Variants in DCC observed in about 807,000 individuals in gnomAD.
The protein encoded by DCC is netrin receptor DCC.
In DCC, 58 loss-of-function variants were observed where a neutral mutation model predicts 172.5. That is an observed-to-expected ratio of 0.34 (90% CI 0.27 to 0.42). The LOEUF (loss-of-function observed/expected upper bound fraction) is 0.42, where lower values mean the gene tolerates loss of function less well. Among genes scored for constraint, DCC ranks in the 10% least tolerant of loss-of-function variants. DCC has a pLI of 1.00. For missense variants in DCC, 1,740 were observed against 1,791.0 expected (o/e 0.97, Z 0.51); for synonymous variants, 709 against 644.5 (o/e 1.10, Z -1.52).
chr18:52,345,311 G>GAGGAAT (rs1983831388), intron 1 of DCC, among the ~76,000 whole-genome samples: 2 of 152,168 alleles, frequency 1.3e-5, no homozygotes, highest in African/African-American at 4.8e-5. Context: ...ACTCCCTAAA[G>GAGGAAT]AGTTCTAAAG....
chr18:52,612,678 A>G (rs1334543951), intron 1 of DCC, among the ~76,000 whole-genome samples: 2 of 152,082 alleles, frequency 1.3e-5, no homozygotes, highest in Non-Finnish European at 2.9e-5. Flanking sequence ...CTGTTTCTAG[A>G]GCCTTGATGG....
chr18:52,876,475 A>G (rs569276610), intron 2 of DCC, among the ~76,000 whole-genome samples: 2 of 152,350 alleles, frequency 1.3e-5, no homozygotes, highest in African/African-American at 4.8e-5. Flanking sequence ...CTATTGTATT[A>G]TTAAGAAAGC....
rs374129823 is a variant in DCC at position 52,783,323 on chromosome 18, C to CTTTTTTTTTTTTTTTTT, written c.412+30971_412+30987dup. 1.3e-3 allele frequency among the ~76,000 whole-genome samples: 79 copies of CTTTTTTTTTTTTTTTTT among 59,252 alleles called. 15 individuals are homozygous for CTTTTTTTTTTTTTTTTT. The highest frequency in any genetic ancestry group is 1.9e-3 in the Admixed American group (8 of 4,182). 38.9% of individuals were successfully genotyped at this position (59,252 alleles called of 152,430 possible). A position where few individuals can be genotyped will look rare whatever the true frequency, so the allele number is the denominator to read the frequency against. ...ACTAAAAATAATTTATACTACTACTCTTTTTTTTTTTTTTTTTTTTTTTTT... is the reference window on the plus strand; with the variant it reads ...ACTAAAAATAATTTATACTACTACTCTTTTTTTTTTTTTTTTTTTTTTTTTTTTTTTTTTTTTTTTTT... On this transcript the variant is annotated intron_variant, in intron 2 of 28. Coordinates refer to ENST00000442544, the MANE Select transcript of DCC (RefSeq NM_005215.4).
At chr18:52,448,321 G>C (rs534850013) in intron 1 of DCC, among the ~76,000 whole-genome samples, 7 of 152,236 alleles carry the variant, frequency 4.6e-5, no homozygotes, top group Admixed American at 4.6e-4. Context: ...CCACGAATTC[G>C]GTCCCTCATG....
chr18:53,405,044 T>A (rs1424682566), intron 19 of DCC, among the ~76,000 whole-genome samples: 1 of 152,204 alleles, frequency 6.6e-6, no homozygotes, highest in Non-Finnish European at 1.5e-5. Flanking sequence ...AGAGAATTTC[T>A]GTGTCATGTG....
At chr18:52,974,174 G>A (rs948570152) in intron 5 of DCC, among the ~76,000 whole-genome samples, 5 of 152,062 alleles carry the variant, frequency 3.3e-5, no homozygotes, top group African/African-American at 1.2e-4. Context: ...TTCAATTAAG[G>A]ACAGGCCAGA....
At position 53,391,680 on chromosome 18, in the gene DCC, T is replaced by C; in HGVS notation, c.2481T>C (p.Tyr827=). The change falls in exon 17 of 29, where the codon TAT becomes TAC. Residue 827 remains tyrosine, a synonymous_variant. Transcript: ENST00000442544. ...ITDPTDPVDY[Y]PLLDDFPTSV... Reference sequence around the variant, plus strand: ...ATCCCACTGACCCAGTTGATTATTATCCTTTGCTTGATGATTTCCCCACCT... The same window carrying C: ...ATCCCACTGACCCAGTTGATTATTACCCTTTGCTTGATGATTTCCCCACCT... 3 of 1,614,070 alleles carry C rather than the reference T, an allele frequency of 1.9e-6. No individual in the cohort carries two copies. Among genetic ancestry groups the C allele is most frequent in the Non-Finnish European group, 2.5e-6 (3 of 1,179,940 alleles).
intron 12 of DCC, among the ~76,000 whole-genome samples, chr18:53,287,501 CT>C (rs992847533): frequency 6.6e-6 from 1 of 152,108 alleles, no homozygotes; most frequent in African/African-American, 2.4e-5. Context: ...TAGGTATATA[CT>C]TTGGGAAGGA....
intron 6 of DCC, 27 bp from the exon 7 acceptor site, chr18:53,066,019 A>G: frequency 6.2e-7 from 1 of 1,611,792 alleles, no homozygotes; most frequent in Non-Finnish European, 8.5e-7. Flanking sequence ...TTTCTAAAAT[A>G]CTTTACCTGC....
At chr18:52,633,954 G>A (rs920423786) in intron 1 of DCC, among the ~76,000 whole-genome samples, 4 of 152,238 alleles carry the variant, frequency 2.6e-5, no homozygotes, top group Non-Finnish European at 5.9e-5. Context: ...ACTGAGCTAT[G>A]GAGGGACACA....
intron 2 of DCC, among the ~76,000 whole-genome samples, chr18:52,812,973 G>C (rs1036203728): frequency 1.3e-5 from 2 of 152,188 alleles, no homozygotes; most frequent in Non-Finnish European, 2.9e-5. Context: ...AGAGTGGGGA[G>C]GGTATTCAGT....
intron 2 of DCC, among the ~76,000 whole-genome samples, chr18:52,855,170 G>A (rs2145348697): frequency 6.6e-6 from 1 of 152,278 alleles, no homozygotes; most frequent in East Asian, 1.9e-4. Flanking sequence ...AGGTTCTAGT[G>A]CTTTCCAGCC....
chr18:53,451,710 G>GCTCTCTCTCTCTCTCTCTCTCT (rs371232356), intron 23 of DCC, among the ~76,000 whole-genome samples: 2 of 147,342 alleles, frequency 1.4e-5, no homozygotes, highest in African/African-American at 5.0e-5. Flanking sequence ...GCTCGCTCTT[G>GCTCTCTCTCTCTCTCTCTCTCT]CTCTCTCTCT....
At chr18:52,972,165 C>T (rs1046558618) in intron 5 of DCC, among the ~76,000 whole-genome samples, 4 of 152,198 alleles carry the variant, frequency 2.6e-5, no homozygotes, top group Middle Eastern at 3.4e-3. Flanking sequence ...GGAGACAAAC[C>T]GTAGGGCAGA....
chr18:52,858,518 C>T (rs1475600348), intron 2 of DCC, among the ~76,000 whole-genome samples: 24 of 152,178 alleles, frequency 1.6e-4, no homozygotes. Context: ...TAGAGGCATA[C>T]AATTCTCCCA....
At chr18:52,890,695 A>G (rs1278649829) in intron 2 of DCC, among the ~76,000 whole-genome samples, 2 of 152,142 alleles carry the variant, frequency 1.3e-5, no homozygotes, top group Non-Finnish European at 2.9e-5. Flanking sequence ...ATTTTCCAAA[A>G]GGACAAACTA....
chr18:52,949,683 C>T (rs994004511), intron 5 of DCC, among the ~76,000 whole-genome samples: 1 of 152,186 alleles, frequency 6.6e-6, no homozygotes, highest in African/African-American at 2.4e-5. Flanking sequence ...TGGTTTTCAG[C>T]AGTGCTGGTC....
intron 20 of DCC, among the ~76,000 whole-genome samples, chr18:53,411,890 G>C (rs993013822): frequency 6.6e-6 from 1 of 152,128 alleles, no homozygotes; most frequent in African/African-American, 2.4e-5. Context: ...TTTTGTGGCA[G>C]CATGAAATGT....
chr18:52,619,997 C>T (rs984123026), intron 1 of DCC, among the ~76,000 whole-genome samples: 4 of 152,224 alleles, frequency 2.6e-5, no homozygotes, highest in Admixed American at 2.0e-4. Context: ...TAAATTGTCA[C>T]TACCCACTAG....
Sources: allele counts gnomAD v4.1 joint callset (sites outside exome capture counted in the v4.1 genomes callset), GRCh38; gene constraint gnomAD v4.1.1; transcripts MANE v1.5; gene names NCBI Gene and HGNC (gene_info 2026-07-23, HGNC 2026-07-21).